FRMD4A: variants seen among roughly 807,000 people sequenced by gnomAD.
FRMD4A encodes the protein FERM domain-containing protein 4A.
Under a neutral mutation model 129.1 loss-of-function variants are expected in FRMD4A, and 29 were observed. That is an observed-to-expected ratio of 0.22 (90% CI 0.17 to 0.31). FRMD4A has a LOEUF of 0.31. Ranked by LOEUF, FRMD4A falls within the 10% of genes least tolerant of loss-of-function variation. FRMD4A has a pLI of 1.00. For missense variants in FRMD4A, 1,272 were observed against 1,375.8 expected (o/e 0.92, Z 1.19); for synonymous variants, 634 against 571.6 (o/e 1.11, Z -1.56).
chr10:14,261,956 A>ACACC (rs1844818664), intron 2 of FRMD4A, among the ~76,000 whole-genome samples: 1 of 121,474 alleles, frequency 8.2e-6, no homozygotes, highest in Admixed American at 8.2e-5. Context: ...ACACACACAC[A>ACACC]CACACACACA....
intron 2 of FRMD4A, among the ~76,000 whole-genome samples, chr10:14,202,565 T>C (rs550155237): frequency 1.3e-5 from 2 of 152,010 alleles, no homozygotes; most frequent in Non-Finnish European, 2.9e-5. Context: ...CACCCCCGGC[T>C]AATTTTTGTA....
intron 5 of FRMD4A, among the ~76,000 whole-genome samples, chr10:13,786,169 T>C (rs1025155088): frequency 6.6e-6 from 1 of 152,226 alleles, no homozygotes; most frequent in African/African-American, 2.4e-5. Flanking sequence ...ATGGTATTTC[T>C]AATTCTAGAT....
chr10:13,981,303 G>A (rs981315605), intron 2 of FRMD4A, among the ~76,000 whole-genome samples: 4 of 152,176 alleles, frequency 2.6e-5, no homozygotes, highest in African/African-American at 4.8e-5. Context: ...AAAGGTCAAG[G>A]TGAATCAATG....
chr10:13,896,502 C>CA (rs2094760067), intron 2 of FRMD4A, among the ~76,000 whole-genome samples: 1 of 152,118 alleles, frequency 6.6e-6, no homozygotes, highest in Admixed American at 6.5e-5. Flanking sequence ...GGGAACATCA[C>CA]ACACCAGGGC....
rs1027448316 is a variant in FRMD4A, at chr10:14,071,062, G to A, written c.46-212150C>T. Among the ~76,000 whole-genome samples the A allele has an allele frequency of 2.0e-5, 3 of 152,196 alleles. No individual in the cohort carries two copies. The South Asian group carries it at 6.2e-4, about 31-fold the overall frequency. ...AGATCGCTGATGTACCAAGGCAAACGCCCCTTACCAGGGAAAGAACCCGGA... is the reference window on the plus strand; with the variant it reads ...AGATCGCTGATGTACCAAGGCAAACACCCCTTACCAGGGAAAGAACCCGGA... On this transcript the variant is annotated intron_variant, in intron 2 of 24. Transcript: ENST00000357447.
intron 12 of FRMD4A, among the ~76,000 whole-genome samples, chr10:13,708,174 T>C (rs1446490151): frequency 6.6e-6 from 1 of 152,214 alleles, no homozygotes; most frequent in Non-Finnish European, 1.5e-5. Flanking sequence ...GCTCCCCCCT[T>C]TCTCTGGCCA....
chr10:14,156,461 ATTG>A (rs1267388954), intron 2 of FRMD4A, among the ~76,000 whole-genome samples: 1 of 152,214 alleles, frequency 6.6e-6, no homozygotes, highest in African/African-American at 2.4e-5. Flanking sequence ...TACTTGCAAT[ATTG>A]TTTATTTTTA....
intron 8 of FRMD4A, among the ~76,000 whole-genome samples, chr10:13,753,541 A>AC (rs2091726589): frequency 8.7e-6 from 1 of 115,308 alleles, no homozygotes; most frequent in African/African-American, 3.3e-5. Context: ...GTACCTTTCT[A>AC]TTTTTTTTTT....
At chr10:13,834,538 T>C (rs79390189) in intron 3 of FRMD4A, among the ~76,000 whole-genome samples, 1 of 152,190 alleles carries the variant, frequency 6.6e-6, no homozygotes, top group Non-Finnish European at 1.5e-5. Flanking sequence ...TATTAATCTC[T>C]GAATAGTCAA....
intron 3 of FRMD4A, among the ~76,000 whole-genome samples, chr10:13,857,229 A>G (rs1326315490): frequency 6.6e-6 from 1 of 152,180 alleles, no homozygotes; most frequent in Non-Finnish European, 1.5e-5. Flanking sequence ...AATATACTCA[A>G]ATGGGGAAAT....
At chr10:13,699,839 T>C (rs1348661302) in intron 14 of FRMD4A, among the ~76,000 whole-genome samples, 2 of 152,146 alleles carry the variant, frequency 1.3e-5, no homozygotes, top group Non-Finnish European at 2.9e-5. Context: ...TTTGGCCCCA[T>C]TTCTTTTGAT....
At chr10:14,243,162 A>G (rs988872451) in intron 2 of FRMD4A, among the ~76,000 whole-genome samples, 1 of 152,228 alleles carries the variant, frequency 6.6e-6, no homozygotes, top group African/African-American at 2.4e-5. Context: ...AAACCTTGAG[A>G]ACATTATGCT....
intron 2 of FRMD4A, among the ~76,000 whole-genome samples, chr10:14,032,767 T>C (rs1031425966): frequency 1.3e-5 from 2 of 152,122 alleles, no homozygotes; most frequent in Non-Finnish European, 2.9e-5. Flanking sequence ...GGAGCCAGCA[T>C]CCCTGGACTG....
In FRMD4A at chr10:14,311,026, C is replaced by T. The variant is rs141162217; in HGVS notation, c.45+19032G>A. ...TAGCATGGGGTTCAAACACAGCAGA[C>T]CCTCAATGAGAGCTTACTAGATTGT... On this transcript the variant is annotated intron_variant, in intron 2 of 24. Coordinates refer to ENST00000357447, the MANE Select transcript of FRMD4A (RefSeq NM_018027.5). Among the ~76,000 whole-genome samples the T allele has an allele frequency of 5.1e-3, 770 of 152,264 alleles. 2 individuals carry two copies. The highest frequency in any genetic ancestry group is 8.4e-3 in the Non-Finnish European group (570 of 68,018).
intron 2 of FRMD4A, among the ~76,000 whole-genome samples, chr10:14,026,259 T>C (rs1832981219): frequency 6.6e-6 from 1 of 152,240 alleles, no homozygotes; most frequent in Non-Finnish European, 1.5e-5. Flanking sequence ...TTAGTATCTC[T>C]CTGTGAATTT....
intron 16 of FRMD4A, among the ~76,000 whole-genome samples, chr10:13,672,514 G>A (rs2083595948): frequency 6.6e-6 from 1 of 152,036 alleles, no homozygotes. Flanking sequence ...ACTGTTGGTG[G>A]TTTTAAAATG....
At chr10:13,800,602 CTCA>C (rs2093231102) in intron 4 of FRMD4A, among the ~76,000 whole-genome samples, 1 of 152,130 alleles carries the variant, frequency 6.6e-6, no homozygotes, top group Non-Finnish European at 1.5e-5. Flanking sequence ...TTGAGATATC[CTCA>C]TACCACTCCA....
chr10:13,932,196 T>C (rs1277688704), intron 2 of FRMD4A, among the ~76,000 whole-genome samples: 1 of 152,240 alleles, frequency 6.6e-6, no homozygotes, highest in Non-Finnish European at 1.5e-5. Context: ...GCTTTGTCCT[T>C]GGTTCCTTTA....
At chr10:14,178,992 T>G (rs894122776) in intron 2 of FRMD4A, among the ~76,000 whole-genome samples, 8 of 152,188 alleles carry the variant, frequency 5.3e-5, no homozygotes, top group Non-Finnish European at 1.0e-4. Flanking sequence ...CCTTCTTTCA[T>G]ATTTTGATGT....
Sources: allele counts gnomAD v4.1 joint callset (sites outside exome capture counted in the v4.1 genomes callset), GRCh38; gene constraint gnomAD v4.1.1; transcripts MANE v1.5; gene names NCBI Gene and HGNC (gene_info 2026-07-23, HGNC 2026-07-21).